The following COL23A1 variants were observed in gnomAD, a reference collection of about 807,000 sequenced individuals.
COL23A1 encodes collagen alpha-1(XXIII) chain.
Under a neutral mutation model 99.3 loss-of-function variants are expected in COL23A1, and 97 were observed. The ratio of observed to expected loss-of-function variants is 0.98; its 90% CI spans 0.83 to 1.16. The LOEUF is 1.16. Among genes scored for constraint, COL23A1 ranks in the 50% most tolerant of loss-of-function variants. The pLI, the probability that COL23A1 is intolerant of heterozygous loss-of-function variation, is 0.00. For synonymous variants in COL23A1, 320 were observed against 308.2 expected (o/e 1.04, Z -0.40); for missense variants, 762 against 757.4 (o/e 1.01, Z -0.07).
In COL23A1 at chr5:178,499,623, G is replaced by A. The variant is rs141307188; in HGVS notation, c.361+61059C>T. 8.5e-3 allele frequency among the ~76,000 whole-genome samples: 1,295 copies of A among 152,294 alleles called. 9 individuals carry two copies. Among genetic ancestry groups the A allele is most frequent in the Non-Finnish European group, 0.01 (710 of 68,030 alleles). The stretch of plus-strand genomic sequence containing the variant: ...GAGGAACCCAGGAAGATATGACCAC[G>A]ACTGTAACGTGGCATCACACAAACT... On this transcript the variant is annotated intron_variant, in intron 2 of 28. Transcript: ENST00000390654.
At chr5:178,253,380 A>C (rs1448667547) in intron 16 of COL23A1, among the ~76,000 whole-genome samples, 6 of 150,340 alleles carry the variant, frequency 4.0e-5, no homozygotes, top group African/African-American at 1.2e-4. Flanking sequence ...CAGGCCCAGG[A>C]CCTCCCTGCC....
In COL23A1 at chr5:178,306,762, G is replaced by A; in HGVS notation, c.406+113C>T. The A allele has an allele frequency of 1.3e-6, 1 of 750,198 alleles. No homozygotes were observed. The highest frequency in any genetic ancestry group is 2.0e-6 in the Non-Finnish European group (1 of 500,052). 46.5% of individuals were successfully genotyped at this position (750,198 alleles called of 1,614,324 possible). On this transcript the variant is annotated intron_variant, in intron 3 of 28. Transcript: ENST00000390654. This position sits in a 1 kb window ranked among gnomAD's most constrained non-coding sequence, Gnocchi z 4.1. ...TGGAAGGGGGAGGAGCACCTGCCCA[G>A]GACCAAGGCATGACTCAGGGTGGGC...
In COL23A1 at chr5:178,260,151, T is replaced by C. The variant is rs188789807; in HGVS notation, c.703-404A>G. On this transcript the variant is annotated intron_variant, in intron 11 of 28. Coordinates refer to ENST00000390654, the MANE Select transcript of COL23A1 (RefSeq NM_173465.4). ...GGGCGAAAATGAAAGAGCTGGCATCTGCAGAGGCTGGACAAGCTAACATGG... is the reference window on the plus strand; with the variant it reads ...GGGCGAAAATGAAAGAGCTGGCATCCGCAGAGGCTGGACAAGCTAACATGG... Among the ~76,000 whole-genome samples the C allele has an allele frequency of 1.1e-3, 162 of 152,290 alleles. 1 individual carries two copies. The highest frequency in any genetic ancestry group is 3.4e-3 in the Middle Eastern group (1 of 294).
At chr5:178,357,952 GTATATGTGTGTATGTGTATGTGTATATA>G (rs1761809027) in intron 2 of COL23A1, among the ~76,000 whole-genome samples, 1 of 150,038 alleles carries the variant, frequency 6.7e-6, no homozygotes, top group African/African-American at 2.5e-5. Flanking sequence ...GTGTGTGTAT[GTATATGTGTGTATGTGTATGTGTATATA>G]TGTGTGTATG....
In COL23A1 at chr5:178,589,789, A is replaced by G; in HGVS notation, c.294+115T>C. 1.0e-6 allele frequency: 1 copy of G among 990,688 alleles called. No homozygotes were observed. Among genetic ancestry groups the G allele is most frequent in the Non-Finnish European group, 1.3e-6 (1 of 774,188 alleles). 61.4% of individuals were successfully genotyped at this position (990,688 alleles called of 1,614,324 possible). A position where few individuals can be genotyped will look rare whatever the true frequency, so the allele number is the denominator to read the frequency against. On this transcript the variant is annotated intron_variant, in intron 1 of 28. Transcript: ENST00000390654. The surrounding 1 kb of genome is among the most constrained non-coding windows in gnomAD (Gnocchi z 5.4). ...CTCTGGGACGGCCCCGAGCGCACGC[A>G]GCCGGCGGGCGACCCTCCTCCCAGA... is the stretch of plus-strand genomic sequence containing the variant.
At chr5:178,581,565 C>CA (rs200146446) in intron 1 of COL23A1, among the ~76,000 whole-genome samples, 1,831 of 110,604 alleles carry the variant, frequency 0.017, 20 homozygotes, top group African/African-American at 0.035. Flanking sequence ...GATTCCGTCT[C>CA]AAAAAAAAAA....
chr5:178,471,108 G>A (rs1756722484), intron 2 of COL23A1, among the ~76,000 whole-genome samples: 1 of 152,192 alleles, frequency 6.6e-6, no homozygotes, highest in Admixed American at 6.5e-5. Flanking sequence ...GGAAACAGAG[G>A]GCACCCCAAT....
intron 2 of COL23A1, among the ~76,000 whole-genome samples, chr5:178,538,219 A>G (rs1761091931): frequency 6.6e-6 from 1 of 152,338 alleles, no homozygotes; most frequent in Admixed American, 6.5e-5. Flanking sequence ...AGGGCTGGGC[A>G]TTCCACCTCT....
intron 2 of COL23A1, among the ~76,000 whole-genome samples, chr5:178,482,771 G>T (rs539637485): frequency 6.6e-6 from 1 of 152,132 alleles, no homozygotes; most frequent in African/African-American, 2.4e-5. Flanking sequence ...GCGTGGTGGC[G>T]GGTGCCTGTA....
chr5:178,494,481 A>T (rs1758095669), intron 2 of COL23A1, among the ~76,000 whole-genome samples: 2 of 152,240 alleles, frequency 1.3e-5, no homozygotes. Flanking sequence ...GTTCGAGACC[A>T]GCCTGGCCAA....
chr5:178,548,461 G>A lies in COL23A1; in HGVS notation c.361+12221C>T, dbSNP rs564898505. Among the ~76,000 whole-genome samples, 20 of 151,834 alleles carry A rather than the reference G, an allele frequency of 1.3e-4. No homozygotes were observed. The South Asian group carries it at 4.0e-3, about 30-fold the overall frequency. ...ATCATCCAAAAACCGGGAGTCACCCGATCTTCCCTCTCCCTTGCTCCCCCT... is the reference window on the plus strand; with the variant it reads ...ATCATCCAAAAACCGGGAGTCACCCAATCTTCCCTCTCCCTTGCTCCCCCT... On this transcript the variant is annotated intron_variant, in intron 2 of 28. Transcript: ENST00000390654.
intron 1 of COL23A1, among the ~76,000 whole-genome samples, chr5:178,565,312 G>A (rs915324776): frequency 6.6e-6 from 1 of 152,176 alleles, no homozygotes; most frequent in East Asian, 1.9e-4. Context: ...ATTTCGGAGC[G>A]ACAGACTCTG....
intron 2 of COL23A1, among the ~76,000 whole-genome samples, chr5:178,417,809 G>A (rs1271612199): frequency 6.6e-6 from 1 of 152,316 alleles, no homozygotes; most frequent in Admixed American, 6.5e-5. Flanking sequence ...CAAAATACCC[G>A]CAGAAACGAG....
intron 2 of COL23A1, among the ~76,000 whole-genome samples, chr5:178,413,065 C>T (rs1217750018): frequency 6.6e-6 from 1 of 151,898 alleles, no homozygotes; most frequent in Non-Finnish European, 1.5e-5. Context: ...TGCCTGTAGT[C>T]TCAGCTACTT....
Position 178,387,763 on chromosome 5 carries a change from G to C in COL23A1, c.362-80844C>G, listed in dbSNP as rs1463143370. On this transcript the variant is annotated intron_variant, in intron 2 of 28. Coordinates refer to ENST00000390654, the MANE Select transcript of COL23A1 (RefSeq NM_173465.4). The surrounding 1 kb of genome is among the most constrained non-coding windows in gnomAD (Gnocchi z 4.7). ...TGGGTCTGAGTTCTCCCTACAGACAGTGTGGGCCATTTTCCCCCGCGCTGT... is the reference window on the plus strand; with the variant it reads ...TGGGTCTGAGTTCTCCCTACAGACACTGTGGGCCATTTTCCCCCGCGCTGT... Among the ~76,000 whole-genome samples the C allele has an allele frequency of 6.6e-6, 1 of 152,080 alleles. No homozygotes were observed. Among genetic ancestry groups the C allele is most frequent in the African/African-American group, 2.4e-5 (1 of 41,306 alleles).
At chr5:178,489,248 C>G (rs962317568) in intron 2 of COL23A1, among the ~76,000 whole-genome samples, 1 of 152,220 alleles carries the variant, frequency 6.6e-6, no homozygotes, top group Non-Finnish European at 1.5e-5. Context: ...CTTCCCCTCC[C>G]TTCTGGAGGG....
intron 3 of COL23A1, among the ~76,000 whole-genome samples, chr5:178,293,252 G>T (rs7378874): frequency 0.76 from 114,647 of 151,254 alleles, 44,043 homozygotes; most frequent in Non-Finnish European, 0.83. Context: ...GGAGGGGAGA[G>T]TCCTAGAGCC....
chr5:178,490,109 G>A (rs755573534), intron 2 of COL23A1, among the ~76,000 whole-genome samples: 33 of 151,972 alleles, frequency 2.2e-4, no homozygotes, highest in African/African-American at 5.8e-4. Context: ...GGTGGTGGGC[G>A]CCTGTACTCA....
intron 8 of COL23A1, among the ~76,000 whole-genome samples, chr5:178,266,753 G>A (rs995540823): frequency 1.2e-4 from 18 of 152,254 alleles, no homozygotes; most frequent in Non-Finnish European, 2.2e-4. Context: ...TCAGGGCCGC[G>A]GAGGTGCGGA....
Sources: allele counts gnomAD v4.1 joint callset (sites outside exome capture counted in the v4.1 genomes callset), GRCh38; gene constraint gnomAD v4.1.1; non-coding constraint Gnocchi (gnomAD v3.1); transcripts MANE v1.5; gene names NCBI Gene and HGNC (gene_info 2026-07-23, HGNC 2026-07-21).